The following BICC1 variants were observed in gnomAD, a reference collection of about 807,000 sequenced individuals.
BICC1 encodes protein bicaudal C homolog 1.
In BICC1, 43 loss-of-function variants were observed where a neutral mutation model predicts 111.0. The ratio of observed to expected loss-of-function variants is 0.39; its 90% CI spans 0.30 to 0.50. The LOEUF (loss-of-function observed/expected upper bound fraction) is 0.50. BICC1 is among the 20% of genes least tolerant of loss of function. The pLI is 0.88. For synonymous variants in BICC1, 467 were observed against 434.4 expected (o/e 1.07, Z -0.93); for missense variants, 1,091 against 1,203.2 (o/e 0.91, Z 1.38).
chr10:58,552,230 T>C (rs963982069), intron 1 of BICC1, among the ~76,000 whole-genome samples: 8 of 152,174 alleles, frequency 5.3e-5, no homozygotes, highest in African/African-American at 1.9e-4. Flanking sequence ...ACTAAAAACA[T>C]TGAATAACTT....
chr10:58,616,154 C>T (rs534675442), intron 1 of BICC1, among the ~76,000 whole-genome samples: 253 of 152,262 alleles, frequency 1.7e-3, no homozygotes, highest in Admixed American at 5.0e-3. Context: ...GAATGCAGGC[C>T]TGGGGCTGTC....
intron 1 of BICC1, among the ~76,000 whole-genome samples, chr10:58,588,595 T>C (rs1159101299): frequency 6.6e-6 from 1 of 152,166 alleles, no homozygotes; most frequent in African/African-American, 2.4e-5. Context: ...CTCTTGTTTG[T>C]GGCATTCTGG....
At chr10:58,534,251 T>C (rs1263101159) in intron 1 of BICC1, among the ~76,000 whole-genome samples, 1 of 151,738 alleles carries the variant, frequency 6.6e-6, no homozygotes, top group Non-Finnish European at 1.5e-5. Flanking sequence ...CAAAGTAGTG[T>C]GTAGAAATTA....
chr10:58,758,126 G>A (rs1842197279), intron 3 of BICC1, among the ~76,000 whole-genome samples: 1 of 152,142 alleles, frequency 6.6e-6, no homozygotes, highest in Admixed American at 6.5e-5. Context: ...GCTTCTGTGA[G>A]CCAAACCTAG....
intron 17 of BICC1, among the ~76,000 whole-genome samples, chr10:58,810,197 T>G (rs567018854): frequency 1.3e-5 from 2 of 152,184 alleles, no homozygotes; most frequent in Non-Finnish European, 2.9e-5. Context: ...CAAGGACAGG[T>G]AGATCACAGA....
chr10:58,535,086 G>A (rs1034738907), intron 1 of BICC1, among the ~76,000 whole-genome samples: 22 of 151,554 alleles, frequency 1.5e-4, no homozygotes, highest in Admixed American at 1.3e-4. Flanking sequence ...CAAGAAATAT[G>A]GGATTATGCA....
Position 58,513,062 on chromosome 10 carries a change from A to G in BICC1, c.-82A>G, listed in dbSNP as rs932743260. The stretch of plus-strand genomic sequence containing the variant: ...AGCTAGCGCCGCGGCGCTGGGAGCC[A>G]GTTGAGCCCGGCCGGCGAGCGGAGG... On this transcript the variant is annotated 5_prime_UTR_variant, in exon 1 of 21. Transcript: ENST00000373886. 403 of 1,119,792 alleles carry G rather than the reference A, an allele frequency of 3.6e-4. No homozygotes were observed. The highest frequency in any genetic ancestry group is 4.4e-4 in the Non-Finnish European group (391 of 880,428). The allele number at this position is 1,119,792 out of a possible 1,614,324, so 69.4% of individuals were successfully genotyped here.
chr10:58,724,913 G>A (rs1029666529), intron 3 of BICC1, among the ~76,000 whole-genome samples: 2 of 152,206 alleles, frequency 1.3e-5, no homozygotes, highest in Non-Finnish European at 2.9e-5. Flanking sequence ...AGTTCCTGAG[G>A]ATCTCATTGC....
chr10:58,681,446 C>T (rs1839517372), intron 2 of BICC1, among the ~76,000 whole-genome samples: 1 of 152,118 alleles, frequency 6.6e-6, no homozygotes, highest in South Asian at 2.1e-4. Context: ...CAAATAAAAA[C>T]CACAATGAGA....
chr10:58,514,981 A>G (rs1443457512), intron 1 of BICC1, among the ~76,000 whole-genome samples: 1 of 152,230 alleles, frequency 6.6e-6, no homozygotes, highest in East Asian at 1.9e-4. Flanking sequence ...TGAAAGAATG[A>G]TCTGTTTCAC....
chr10:58,825,238 G>A (rs563367000), intron 20 of BICC1, among the ~76,000 whole-genome samples: 1 of 152,252 alleles, frequency 6.6e-6, no homozygotes, highest in South Asian at 2.1e-4. Flanking sequence ...AGCCATGGGG[G>A]CTGTGGCTTA....
At chr10:58,781,995 C>T (rs1473102257) in intron 3 of BICC1, among the ~76,000 whole-genome samples, 1 of 152,150 alleles carries the variant, frequency 6.6e-6, no homozygotes, top group Non-Finnish European at 1.5e-5. Context: ...TGGAGGTAAA[C>T]GTGTTACATG....
rs572884636 is a variant in BICC1, at chr10:58,652,181, A to G, written c.237+31280A>G. Among the ~76,000 whole-genome samples the G allele has an allele frequency of 2.6e-5, 4 of 152,284 alleles. No homozygotes were observed. The South Asian group carries it at 8.3e-4, about 32-fold the overall frequency. On this transcript the variant is annotated intron_variant, in intron 2 of 20. Transcript: ENST00000373886. ...TCTATAACATGAAGAAACTAGATGA[A>G]CATAACCAATCTATCATCTCTAGAG...
In BICC1 at chr10:58,555,121, A is replaced by G. The variant is rs953714945; in HGVS notation, c.190+41788A>G. Among the ~76,000 whole-genome samples the G allele has an allele frequency of 2.0e-5, 3 of 152,104 alleles. No individual in the cohort carries two copies. The South Asian group carries it at 6.2e-4, about 32-fold the overall frequency. ...AAAACCATTTTAGCTGAAATGGTTTAGATCTAGGATAATTATTTGGGGGAA... is the reference window on the plus strand; with the variant it reads ...AAAACCATTTTAGCTGAAATGGTTTGGATCTAGGATAATTATTTGGGGGAA... On this transcript the variant is annotated intron_variant, in intron 1 of 20. Coordinates refer to ENST00000373886, the MANE Select transcript of BICC1 (RefSeq NM_001080512.3).
rs192938902 is a variant in BICC1 at position 58,825,134 on chromosome 10, T to A, written c.2795-3627T>A. Among the ~76,000 whole-genome samples the A allele has an allele frequency of 1.2e-3, 179 of 152,296 alleles. 3 individuals carry two copies. Among genetic ancestry groups the A allele is most frequent in the African/African-American group, 4.1e-3 (171 of 41,574 alleles). On this transcript the variant is annotated intron_variant, in intron 20 of 20. Coordinates refer to ENST00000373886, the MANE Select transcript of BICC1 (RefSeq NM_001080512.3). ...ATTTTCTAAGCTGATATGATTTTTTTACTAGATTAATTTTTTATTCAAAGA... is the reference window on the plus strand; with the variant it reads ...ATTTTCTAAGCTGATATGATTTTTTAACTAGATTAATTTTTTATTCAAAGA...
intron 1 of BICC1, among the ~76,000 whole-genome samples, chr10:58,592,307 G>C (rs1026777489): frequency 2.0e-5 from 3 of 152,168 alleles, no homozygotes; most frequent in African/African-American, 7.2e-5. Flanking sequence ...GGGAGGCAGA[G>C]GTGGTGGTGG....
At chr10:58,759,099 A>G (rs1308639363) in intron 3 of BICC1, among the ~76,000 whole-genome samples, 1 of 151,966 alleles carries the variant, frequency 6.6e-6, no homozygotes, top group Non-Finnish European at 1.5e-5. Flanking sequence ...AGCTGGGATT[A>G]CAGGTGTGTG....
At chr10:58,633,127 T>C (rs1029733000) in intron 2 of BICC1, among the ~76,000 whole-genome samples, 7 of 152,172 alleles carry the variant, frequency 4.6e-5, no homozygotes, top group African/African-American at 1.7e-4. Flanking sequence ...CTTGTGATAG[T>C]GAATAAGTCT....
rs2132173111 is a variant in BICC1, at chr10:58,631,185, A to G, written c.237+10284A>G. 1.3e-5 allele frequency among the ~76,000 whole-genome samples: 2 copies of G among 152,324 alleles called. 1 individual carries two copies. Among genetic ancestry groups the G allele is most frequent in the Middle Eastern group, 6.8e-3 (2 of 294 alleles). On this transcript the variant is annotated intron_variant, in intron 2 of 20. Transcript: ENST00000373886. Reference sequence around the variant, plus strand: ...TTACACTTCTGTGGGAAGTTTGTAGACAGCCAACATGCAGAAAGGTTAGCA... The same window carrying G: ...TTACACTTCTGTGGGAAGTTTGTAGGCAGCCAACATGCAGAAAGGTTAGCA...
Sources: allele counts gnomAD v4.1 joint callset (sites outside exome capture counted in the v4.1 genomes callset), GRCh38; gene constraint gnomAD v4.1.1; transcripts MANE v1.5; gene names NCBI Gene and HGNC (gene_info 2026-07-23, HGNC 2026-07-21).